TSG101: variants seen among roughly 807,000 people sequenced by gnomAD.
TSG101 encodes the protein tumor susceptibility gene 101 protein.
In TSG101, 19 loss-of-function variants were observed where a neutral mutation model predicts 48.5. The ratio of observed to expected loss-of-function variants is 0.39; its 90% CI spans 0.27 to 0.58. The LOEUF is 0.58. Ranked by LOEUF, TSG101 falls within the 20% of genes least tolerant of loss-of-function variation. TSG101 has a pLI of 0.55. For missense variants in TSG101, 365 were observed against 484.4 expected (o/e 0.75, Z 2.31); for synonymous variants, 174 against 169.4 (o/e 1.03, Z -0.21).
intron 7 of TSG101, among the ~76,000 whole-genome samples, chr11:18,494,286 G>A (rs563243903): frequency 1.2e-3 from 179 of 152,204 alleles, no homozygotes; most frequent in Non-Finnish European, 2.1e-3. Flanking sequence ...AAATCTGAAG[G>A]AGAGTTAAAA....
chr11:18,512,251 C>CA (rs1850096049), intron 4 of TSG101, among the ~76,000 whole-genome samples: 2 of 152,108 alleles, frequency 1.3e-5, no homozygotes, highest in South Asian at 4.2e-4. Flanking sequence ...CTAAAAAATA[C>CA]AAAAATTAGC....
intron 4 of TSG101, among the ~76,000 whole-genome samples, chr11:18,514,106 G>GT (rs1850130183): frequency 6.6e-6 from 1 of 151,344 alleles, no homozygotes; most frequent in Non-Finnish European, 1.5e-5. Flanking sequence ...AAAGGAATCA[G>GT]TAAGTACCCT....
chr11:18,524,045 A>G (rs894034332), intron 1 of TSG101, among the ~76,000 whole-genome samples: 1 of 151,296 alleles, frequency 6.6e-6, no homozygotes, highest in Non-Finnish European at 1.5e-5. Context: ...TCCCATCTCT[A>G]CCTCCCAAAG....
intron 6 of TSG101, among the ~76,000 whole-genome samples, chr11:18,504,249 T>G (rs1347227912): frequency 6.8e-6 from 1 of 147,722 alleles, no homozygotes; most frequent in East Asian, 2.0e-4. Context: ...GAGCAAGAGC[T>G]CCTTCTGAGT....
intron 7 of TSG101, chr11:18,490,939 G>C: frequency 2.9e-6 from 1 of 350,344 alleles, no homozygotes; most frequent in Middle Eastern, 5.3e-4. Flanking sequence ...TTCTGTACCA[G>C]CTCACTTTTA....
At chr11:18,512,251 C>T (rs1055504172) in intron 4 of TSG101, among the ~76,000 whole-genome samples, 6 of 151,990 alleles carry the variant, frequency 3.9e-5, no homozygotes, top group Non-Finnish European at 8.8e-5. Flanking sequence ...CTAAAAAATA[C>T]AAAAATTAGC....
intron 1 of TSG101, 131 bp downstream of exon 1, chr11:18,526,644 A>C: frequency 9.4e-7 from 1 of 1,059,256 alleles, no homozygotes; most frequent in Non-Finnish European, 1.3e-6. Flanking sequence ...GGTTCTGAGG[A>C]GGTCGCTAAG....
chr11:18,490,205 T>A, intron 7 of TSG101: 1 of 445,856 alleles, frequency 2.2e-6, no homozygotes. Context: ...CAGAGTGACA[T>A]TGAACAGATT....
chr11:18,505,861 A>C (rs1590281118), intron 6 of TSG101, among the ~76,000 whole-genome samples: 2 of 152,112 alleles, frequency 1.3e-5, no homozygotes, highest in African/African-American at 4.8e-5. Flanking sequence ...TCTGTCGCCC[A>C]GGGTGGAGTG....
chr11:18,481,929 C>A (rs1223827008), intron 8 of TSG101, 60 bp from the exon 9 acceptor site: 1 of 1,580,104 alleles, frequency 6.3e-7, no homozygotes, highest in Non-Finnish European at 8.6e-7. Context: ...TGTCAGACAC[C>A]TACAACACTT....
Position 18,526,905 on chromosome 11 carries a change from C to A in TSG101, c.-89G>T, listed in dbSNP as rs996814230. The A allele has an allele frequency of 4.7e-5, 68 of 1,437,856 alleles. No individual in the cohort carries two copies. In the African/African-American group the frequency reaches 8.8e-4, roughly 19 times the overall value. 89.1% of individuals were successfully genotyped at this position (1,437,856 alleles called of 1,614,324 possible). On this transcript the variant is annotated 5_prime_UTR_variant, in exon 1 of 10. Coordinates refer to ENST00000251968, the MANE Select transcript of TSG101 (RefSeq NM_006292.4). ...ACCGTCCCACACAATCGCACACCCC[C>A]AACCCGGCCTCAAACAACAGGAAGT...
intron 3 of TSG101, among the ~76,000 whole-genome samples, chr11:18,515,493 C>T (rs1359361950): frequency 1.3e-5 from 2 of 152,192 alleles, no homozygotes; most frequent in Admixed American, 1.3e-4. Context: ...GGGTGAAAGA[C>T]AGGCTAACAG....
In TSG101 at chr11:18,499,559, C is replaced by T. The variant is rs374348782; in HGVS notation, c.640+2927G>A. On this transcript the variant is annotated intron_variant, in intron 7 of 9. Coordinates refer to ENST00000251968, the MANE Select transcript of TSG101 (RefSeq NM_006292.4). ...TTGAGTAGCTAGGATTACAGGCGTG[C>T]GCCACCACGCCCGGCTAATTTTTTT... Among the ~76,000 whole-genome samples, 8 of 148,436 alleles carry T rather than the reference C, an allele frequency of 5.4e-5. No individual in the cohort carries two copies. In the East Asian group the frequency reaches 7.9e-4, roughly 15 times the overall value.
intron 4 of TSG101, among the ~76,000 whole-genome samples, chr11:18,510,409 A>G (rs536397568): frequency 1.3e-5 from 2 of 152,326 alleles, no homozygotes; most frequent in East Asian, 3.9e-4. Flanking sequence ...CGACAGAGCA[A>G]GACTCTGTCT....
At chr11:18,502,871 A>G (rs761270028) in intron 6 of TSG101, among the ~76,000 whole-genome samples, 1 of 152,226 alleles carries the variant, frequency 6.6e-6, no homozygotes, top group Non-Finnish European at 1.5e-5. Context: ...CAACAGCATC[A>G]GAAGCAACAA....
chr11:18,515,910 A>G (rs540298388), intron 3 of TSG101, among the ~76,000 whole-genome samples, 189 bp downstream of exon 3: 22 of 152,352 alleles, frequency 1.4e-4, no homozygotes, highest in Non-Finnish European at 7.4e-5. Context: ...ATATCTTGGT[A>G]AGGAAGTTTT....
intron 7 of TSG101, among the ~76,000 whole-genome samples, chr11:18,484,935 CTTTTTTTTT>C (rs529154247): frequency 1.9e-5 from 2 of 108,018 alleles, no homozygotes; most frequent in Non-Finnish European, 3.4e-5. Flanking sequence ...TAATTGCCGC[CTTTTTTTTT>C]TTTTTTTTTT....
chr11:18,521,116 T>C (rs1850266099), intron 1 of TSG101, among the ~76,000 whole-genome samples: 1 of 152,140 alleles, frequency 6.6e-6, no homozygotes, highest in Admixed American at 6.5e-5. Flanking sequence ...TTTTTCATCA[T>C]GGAGCACAAT....
chr11:18,499,647 G>A (rs986830796), intron 7 of TSG101, among the ~76,000 whole-genome samples: 1 of 150,340 alleles, frequency 6.7e-6, no homozygotes, highest in Non-Finnish European at 1.5e-5. Context: ...TCCTGACCTC[G>A]CAATCTGCCC....
Sources: gnomAD v4.1 joint callset for allele counts (sites outside exome capture counted in the v4.1 genomes callset) on GRCh38, gnomAD v4.1.1 for gene constraint, MANE v1.5 for transcripts, NCBI Gene and HGNC (gene_info 2026-07-23, HGNC 2026-07-21) for gene names.